ATP6V1B1: variants seen among roughly 807,000 people sequenced by gnomAD.
ATP6V1B1 encodes V-type proton ATPase subunit B, kidney isoform.
ATP6V1B1 carries 41 observed loss-of-function variants against 62.1 expected under a neutral mutation model. The observed-to-expected ratio is 0.66, with a 90% confidence interval of 0.51 to 0.86. The LOEUF is 0.86. ATP6V1B1 is among the 40% of genes least tolerant of loss of function. The pLI is 0.00. For synonymous variants in ATP6V1B1, 253 were observed against 273.4 expected, an observed-to-expected ratio of 0.93 and a Z score of 0.74; for missense variants, 651 against 697.5, an observed-to-expected ratio of 0.93 and a Z score of 0.75.
chr2:70,939,463 G>C (rs958647593), intron 1 of ATP6V1B1: 22 of 152,280 alleles, frequency 1.4e-4, no homozygotes, highest in African/African-American at 4.3e-4. Flanking sequence ...CATAATCGCT[G>C]AGCGCTGCAG....
chr2:70,936,497 T>C (rs1166286666), intron 1 of ATP6V1B1, among the ~76,000 whole-genome samples: 9 of 152,004 alleles, frequency 5.9e-5, no homozygotes, highest in African/African-American at 2.2e-4. Flanking sequence ...TGTGTGGCAG[T>C]GCAGAGTGTC....
intron 1 of ATP6V1B1, chr2:70,941,005 C>G (rs1367421208): frequency 1.2e-5 from 9 of 737,680 alleles, no homozygotes; most frequent in Non-Finnish European, 1.3e-5. Flanking sequence ...CAGCCTCAAC[C>G]TCCCTGGGCT....
intron 2 of ATP6V1B1, among the ~76,000 whole-genome samples, chr2:70,957,250 A>AATATATAT (rs55638187): frequency 6.5e-4 from 94 of 144,910 alleles, no homozygotes; most frequent in African/African-American, 2.3e-3. Flanking sequence ...CACACCTGGC[A>AATATATAT]ATATATATAT....
At chr2:70,960,247 T>C (rs1553419818) in intron 6 of ATP6V1B1, among the ~76,000 whole-genome samples, 169 bp downstream of exon 6, 1 of 152,164 alleles carries the variant, frequency 6.6e-6, no homozygotes, top group East Asian at 1.9e-4. Flanking sequence ...GACTCAGGAC[T>C]GCACAAGATT....
intron 4 of ATP6V1B1, among the ~76,000 whole-genome samples, 188 bp downstream of exon 4, chr2:70,958,614 C>G (rs970213422): frequency 4.6e-5 from 7 of 152,178 alleles, no homozygotes; most frequent in African/African-American, 1.7e-4. Flanking sequence ...GTCTGACATA[C>G]AGGTGTTCAA....
In ATP6V1B1 at chr2:70,962,846, G is replaced by T; in HGVS notation, c.855G>T (p.Lys285Asn). 1.2e-6 allele frequency: 2 copies of T among 1,614,216 alleles called. No homozygotes were observed. Among genetic ancestry groups the T allele is most frequent in the Non-Finnish European group, 1.7e-6 (2 of 1,180,036 alleles). ...AATTCCTTGCCTACCAGTGTGAGAAGCATGTGCTGGTCATACTGACGGACA... is the reference window on the plus strand; with the variant it reads ...AATTCCTTGCCTACCAGTGTGAGAATCATGTGCTGGTCATACTGACGGACA... ...TAEFLAYQCE[K>N]HVLVILTDMS... Residue 285 changes from lysine (K) to asparagine (N), a missense_variant, in exon 9 of 14, where the codon AAG becomes AAT. By Grantham distance (94) the Lys-to-Asn change is moderately conservative. Transcript: ENST00000234396.
intron 1 of ATP6V1B1, 87 bp from the exon 2 acceptor site, chr2:70,943,570 AG>A: frequency 1.5e-6 from 2 of 1,321,768 alleles, no homozygotes; most frequent in African/African-American, 4.2e-5. Flanking sequence ...TGGGGTGTGG[AG>A]AGAGGAAGGG....
rs782613510 is a variant in ATP6V1B1 at position 70,959,108 on chromosome 2, A to C, written c.445+13A>C. The C allele has an allele frequency of 6.2e-7, 1 of 1,613,972 alleles. No homozygotes were observed. Among genetic ancestry groups the C allele is most frequent in the Non-Finnish European group, 8.5e-7 (1 of 1,179,918 alleles). On this transcript the variant is annotated intron_variant, in intron 5 of 13. Transcript: ENST00000234396. The surrounding 1 kb of genome is among the most constrained non-coding windows in gnomAD (Gnocchi z 4.2). Reference sequence around the variant, plus strand: ...CTGGATATCAATGGTGAGTGACTGGAGGTTCTGGATGGCTTCGGGACCCAG... The same window carrying C: ...CTGGATATCAATGGTGAGTGACTGGCGGTTCTGGATGGCTTCGGGACCCAG...
chr2:70,957,774 T>C (rs1242631130), intron 2 of ATP6V1B1: 4 of 478,276 alleles, frequency 8.4e-6, no homozygotes, highest in Non-Finnish European at 1.5e-5. Flanking sequence ...TTTAATGAGT[T>C]ACTGAAATCG....
At chr2:70,957,300 A>T (rs566822324) in intron 2 of ATP6V1B1, among the ~76,000 whole-genome samples, 4 of 151,498 alleles carry the variant, frequency 2.6e-5, no homozygotes. Flanking sequence ...GGGTTTCACC[A>T]TGTTGCCCAG....
At chr2:70,962,931 C>T (rs1355089785) in intron 9 of ATP6V1B1, 31 bp downstream of exon 9, 1 of 1,612,718 alleles carries the variant, frequency 6.2e-7, no homozygotes, top group African/African-American at 1.3e-5. Context: ...TGTCAGATTC[C>T]TCCCTACCCC....
chr2:70,943,515 C>A, intron 1 of ATP6V1B1, 143 bp from the exon 2 acceptor site: 1 of 859,088 alleles, frequency 1.2e-6, no homozygotes, highest in Non-Finnish European at 1.9e-6. Context: ...TGGTGGCTGG[C>A]CCTGTCACAG....
rs1254812196 is a variant in ATP6V1B1 at position 70,936,499 on chromosome 2, CAG to C, written c.118+430_118+431del. Among the ~76,000 whole-genome samples the C allele has an allele frequency of 5.9e-5, 9 of 152,062 alleles. No individual in the cohort carries two copies. The East Asian group carries it at 1.2e-3, about 20-fold the overall frequency. On this transcript the variant is annotated intron_variant, in intron 1 of 13. Coordinates refer to ENST00000234396, the MANE Select transcript of ATP6V1B1 (RefSeq NM_001692.4). ...ACTTGGAGTGGTGTGTGTGGCAGTGCAGAGTGTCAGCGCTCTCAGCCTGAGGA... is the reference window on the plus strand; with the variant it reads ...ACTTGGAGTGGTGTGTGTGGCAGTGCAGTGTCAGCGCTCTCAGCCTGAGGA...
intron 1 of ATP6V1B1, among the ~76,000 whole-genome samples, chr2:70,943,109 G>A (rs782440623): frequency 1.2e-4 from 19 of 152,226 alleles, no homozygotes; most frequent in Non-Finnish European, 2.6e-4. Flanking sequence ...TGAGCCTGGG[G>A]AGTCCAGGAA....
At chr2:70,940,784 C>G (rs928436142) in intron 1 of ATP6V1B1, 6 of 985,028 alleles carry the variant, frequency 6.1e-6, no homozygotes, top group Non-Finnish European at 7.2e-6. Context: ...TTGGGAAGGT[C>G]GGGAGGGGGC....
At chr2:70,962,633 G>A in intron 8 of ATP6V1B1, 144 bp from the exon 9 acceptor site, 1 of 1,350,670 alleles carries the variant, frequency 7.4e-7, no homozygotes, top group South Asian at 1.2e-5. Context: ...TGGCCTAGGG[G>A]ATGGGGGCAA....
intron 11 of ATP6V1B1, chr2:70,964,112 GTATTTTTTTTTT>G: frequency 6.4e-6 from 1 of 156,558 alleles, no homozygotes; most frequent in Non-Finnish European, 1.1e-5. Context: ...TGCTTGGCAG[GTATTTTTTTTTT>G]TTTTTTTTTT....
chr2:70,964,947 T>A lies in ATP6V1B1; in HGVS notation c.1379-11T>A. 3 of 1,613,962 alleles carry A rather than the reference T, an allele frequency of 1.9e-6. No homozygotes were observed. The highest frequency in any genetic ancestry group is 2.5e-6 in the Non-Finnish European group (3 of 1,180,018). Reference sequence around the variant, plus strand: ...ACACATTCCTAACACTCCCTCCCGCTCTGTCCCTAGGCCCCTACGAGAACC... The same window carrying A: ...ACACATTCCTAACACTCCCTCCCGCACTGTCCCTAGGCCCCTACGAGAACC... On this transcript the variant is annotated splice_polypyrimidine_tract_variant and intron_variant, in intron 13 of 13. Transcript: ENST00000234396.
intron 1 of ATP6V1B1, chr2:70,941,373 G>A (rs1361161706): frequency 2.0e-6 from 2 of 985,482 alleles, no homozygotes; most frequent in African/African-American, 1.7e-5. Flanking sequence ...CCCTCTTTCT[G>A]TTCCACGAAG....
Sources: allele counts gnomAD v4.1 joint callset (sites outside exome capture counted in the v4.1 genomes callset), GRCh38; gene constraint gnomAD v4.1.1; non-coding constraint Gnocchi (gnomAD v3.1); transcripts MANE v1.5; gene names NCBI Gene and HGNC (gene_info 2026-07-23, HGNC 2026-07-21).